ADCY1: variants seen among roughly 807,000 people sequenced by gnomAD.
ADCY1 encodes adenylate cyclase type 1.
ADCY1 carries 28 observed loss-of-function variants against 105.4 expected under a neutral mutation model. That is an observed-to-expected ratio of 0.27 (90% CI 0.20 to 0.36). The LOEUF is 0.36. Among genes scored for constraint, ADCY1 ranks in the 10% least tolerant of loss-of-function variants. ADCY1 has a pLI of 1.00. For missense variants in ADCY1, 977 were observed against 1,434.2 expected, an observed-to-expected ratio of 0.68 and a Z score of 5.15; for synonymous variants, 655 against 623.8, an observed-to-expected ratio of 1.05 and a Z score of -0.75.
intron 1 of ADCY1, among the ~76,000 whole-genome samples, chr7:45,579,749 T>A (rs1259535431): frequency 5.9e-5 from 9 of 152,166 alleles, no homozygotes; most frequent in Admixed American, 5.2e-4. Flanking sequence ...GTAGTCTCCT[T>A]GTCCTTGGCT....
intron 5 of ADCY1, among the ~76,000 whole-genome samples, chr7:45,653,023 A>C (rs1214661130): frequency 1.3e-5 from 2 of 152,294 alleles, no homozygotes; most frequent in Non-Finnish European, 2.9e-5. Flanking sequence ...AGTGTGGTAT[A>C]CTATTTTGGA....
chr7:45,674,420 GA>G (rs1271860881), intron 8 of ADCY1, among the ~76,000 whole-genome samples: 1 of 152,076 alleles, frequency 6.6e-6, no homozygotes, highest in Non-Finnish European at 1.5e-5. Context: ...TATCACCCAG[GA>G]TGGAGTGCAG....
chr7:45,696,125 C>CTG (rs906488207), intron 14 of ADCY1, among the ~76,000 whole-genome samples: 1 of 152,086 alleles, frequency 6.6e-6, no homozygotes, highest in Non-Finnish European at 1.5e-5. Flanking sequence ...GCATTTTTTT[C>CTG]TGTGTGTGTG....
intron 8 of ADCY1, 109 bp downstream of exon 8, chr7:45,662,323 C>G (rs1363718521): frequency 1.3e-5 from 16 of 1,218,294 alleles, no homozygotes; most frequent in Non-Finnish European, 1.8e-5. Context: ...ATTCCCTGTT[C>G]ACATGTGGAT....
chr7:45,664,810 C>T lies in ADCY1; in HGVS notation c.1605+2596C>T, dbSNP rs562094528. 1.1e-3 allele frequency: 200 copies of T among 177,736 alleles called. 2 individuals carry two copies. The highest frequency in any genetic ancestry group is 1.9e-3 in the South Asian group (14 of 7,470). 11.0% of individuals were successfully genotyped at this position (177,736 alleles called of 1,614,324 possible). ...TAAGTTCTGGGATACATGTGCAGAA[C>T]GTGCAGGTTTGTTACATAGGTATAC... On this transcript the variant is annotated intron_variant, in intron 8 of 19. Coordinates refer to ENST00000297323, the MANE Select transcript of ADCY1 (RefSeq NM_021116.4).
intron 8 of ADCY1, among the ~76,000 whole-genome samples, chr7:45,670,430 G>T (rs766060520): frequency 9.9e-5 from 15 of 152,242 alleles, no homozygotes; most frequent in Non-Finnish European, 1.6e-4. Flanking sequence ...TGGAGGTGTG[G>T]CTGACCTGAG....
At chr7:45,687,311 CCTGGCAATGA>C (rs1218568028) in intron 14 of ADCY1, among the ~76,000 whole-genome samples, 2 of 152,146 alleles carry the variant, frequency 1.3e-5, no homozygotes, top group Non-Finnish European at 2.9e-5. Flanking sequence ...TGGATGTGAT[CCTGGCAATGA>C]CTGCCAGATA....
chr7:45,592,612 C>A, intron 1 of ADCY1, 147 bp from the exon 2 acceptor site: 1 of 1,065,896 alleles, frequency 9.4e-7, no homozygotes, highest in Non-Finnish European at 1.4e-6. Flanking sequence ...GCCCGGCTGA[C>A]TCCCTGTGTC....
chr7:45,591,691 G>A lies in ADCY1; in HGVS notation c.640-1068G>A, dbSNP rs1379924184. Among the ~76,000 whole-genome samples, 2 of 152,232 alleles carry A rather than the reference G, an allele frequency of 1.3e-5. No individual in the cohort carries two copies. The highest frequency in any genetic ancestry group is 3.9e-4 in the East Asian group (2 of 5,184). On this transcript the variant is annotated intron_variant, in intron 1 of 19. Coordinates refer to ENST00000297323, the MANE Select transcript of ADCY1 (RefSeq NM_021116.4). The surrounding 1 kb of genome is among the most constrained non-coding windows in gnomAD (Gnocchi z 4.1). Reference sequence around the variant, plus strand: ...GCAGGACATGCCATGGCCCTGCATGGCTCGTCAGAGTTGCCTGTGTCCAGA... The same window carrying A: ...GCAGGACATGCCATGGCCCTGCATGACTCGTCAGAGTTGCCTGTGTCCAGA...
chr7:45,663,377 G>C (rs1350044847), intron 8 of ADCY1, among the ~76,000 whole-genome samples: 2 of 152,230 alleles, frequency 1.3e-5, no homozygotes, highest in Non-Finnish European at 2.9e-5. Flanking sequence ...CTCTTGGACA[G>C]ACTGGGACCA....
rs1195030294 is a variant in ADCY1 at position 45,574,549 on chromosome 7, G to A, written c.6G>A (p.Ala2=). 4.1e-6 allele frequency: 4 copies of A among 977,258 alleles called. No homozygotes were observed. The highest frequency in any genetic ancestry group is 1.2e-4 in the East Asian group (1 of 8,432). 60.5% of individuals were successfully genotyped at this position (977,258 alleles called of 1,614,324 possible). ...GGCCGCTGCATGGCGCTGAGATGGC[G>A]GGGGCGCCGCGCGGCGGAGGCGGCG... The part of the protein sequence containing the change: M[A]GAPRGGGGGG... The change falls in exon 1 of 20, where the codon GCG becomes GCA. Residue 2 remains alanine, a synonymous_variant. Coordinates refer to ENST00000297323, the MANE Select transcript of ADCY1 (RefSeq NM_021116.4). The surrounding 1 kb of genome is among the most constrained non-coding windows in gnomAD (Gnocchi z 7.0).
chr7:45,618,170 T>C lies in ADCY1; in HGVS notation c.909-4462T>C, dbSNP rs570906578. Among the ~76,000 whole-genome samples, 39 of 152,280 alleles carry C rather than the reference T, an allele frequency of 2.6e-4. 1 individual carries two copies. In the South Asian group the frequency reaches 8.1e-3, roughly 32 times the overall value. On this transcript the variant is annotated intron_variant, in intron 3 of 19. Transcript: ENST00000297323. ...AATAAATGGTGCTGGGAAAACTGGA[T>C]ATGCATATGCAGAAAATGAAACTAG... is the stretch of plus-strand genomic sequence containing the variant.
chr7:45,654,734 A>G (rs1159216814), intron 5 of ADCY1, among the ~76,000 whole-genome samples: 1 of 152,244 alleles, frequency 6.6e-6, no homozygotes, highest in Non-Finnish European at 1.5e-5. Context: ...TTTCTGTGGG[A>G]GAGGTGATGC....
At chr7:45,635,312 T>A (rs1321730892) in intron 4 of ADCY1, among the ~76,000 whole-genome samples, 1 of 151,960 alleles carries the variant, frequency 6.6e-6, no homozygotes, top group East Asian at 1.9e-4. Context: ...ATTGAGTTTT[T>A]AAAAAATAAC....
intron 4 of ADCY1, among the ~76,000 whole-genome samples, chr7:45,629,920 C>T (rs1370566585): frequency 6.6e-6 from 1 of 152,232 alleles, no homozygotes; most frequent in African/African-American, 2.4e-5. Flanking sequence ...TCCGCATCCT[C>T]ATCAGCACTT....
chr7:45,620,630 A>G (rs547583175), intron 3 of ADCY1, among the ~76,000 whole-genome samples: 1 of 152,348 alleles, frequency 6.6e-6, no homozygotes, highest in African/African-American at 2.4e-5. Flanking sequence ...ACACTGAGAC[A>G]TGTCATTATC....
chr7:45,596,243 C>G (rs1793067389), intron 2 of ADCY1, among the ~76,000 whole-genome samples: 1 of 152,258 alleles, frequency 6.6e-6, no homozygotes, highest in African/African-American at 2.4e-5. Flanking sequence ...ATTCATGACA[C>G]ATTTCCATTC....
chr7:45,574,314 AC>A, upstream of ADCY1: 1 of 206,408 alleles, frequency 4.8e-6, no homozygotes, highest in Non-Finnish European at 8.2e-6. This position sits in a 1 kb window ranked among gnomAD's most constrained non-coding sequence, Gnocchi z 7.0. Context: ...GCCGCCGAGG[AC>A]CACGGTCGGG....
At chr7:45,691,680 A>G (rs549898903) in intron 14 of ADCY1, among the ~76,000 whole-genome samples, 17 of 152,234 alleles carry the variant, frequency 1.1e-4, no homozygotes, top group Non-Finnish European at 2.2e-4. Flanking sequence ...GCTATTTAGT[A>G]TAGAATGAAG....
Sources: allele counts gnomAD v4.1 joint callset (sites outside exome capture counted in the v4.1 genomes callset), GRCh38; gene constraint gnomAD v4.1.1; non-coding constraint Gnocchi (gnomAD v3.1); transcripts MANE v1.5; gene names NCBI Gene and HGNC (gene_info 2026-07-23, HGNC 2026-07-21).